NME7: variants seen among roughly 807,000 people sequenced by gnomAD.
NME7 encodes NME/NM23 family member 7, also known as nucleoside diphosphate kinase 7.
A neutral mutation model predicts 49.1 loss-of-function variants in NME7; 41 were observed. The observed-to-expected ratio is 0.83, with a 90% confidence interval of 0.65 to 1.08. NME7 has a LOEUF of 1.08. Among genes scored for constraint, NME7 ranks in the 50% least tolerant of loss-of-function variants. The pLI is 0.00. For synonymous variants in NME7, 139 were observed against 150.6 expected (o/e 0.92, Z 0.56); for missense variants, 423 against 463.4 (o/e 0.91, Z 0.80).
intron 1 of NME7, 106 bp downstream of exon 1, chr1:169,367,602 A>T: frequency 8.1e-7 from 1 of 1,239,120 alleles, no homozygotes; most frequent in African/African-American, 1.5e-5. Flanking sequence ...TAACGGGGAG[A>T]AGGTCGGGAG....
At chr1:169,330,012 T>C (rs781707351) in intron 1 of NME7, among the ~76,000 whole-genome samples, 2 of 152,126 alleles carry the variant, frequency 1.3e-5, no homozygotes, top group Non-Finnish European at 2.9e-5. Context: ...ATGGGAACTT[T>C]ACAGGCCAGG....
At chr1:169,174,189 G>C (rs558442811) in intron 10 of NME7, among the ~76,000 whole-genome samples, 1 of 152,118 alleles carries the variant, frequency 6.6e-6, no homozygotes, top group Admixed American at 6.6e-5. Context: ...ACCAAATATA[G>C]AATAGTGATT....
At chr1:169,171,442 A>C (rs151273779) in intron 10 of NME7, among the ~76,000 whole-genome samples, 215 of 152,312 alleles carry the variant, frequency 1.4e-3, no homozygotes, top group African/African-American at 4.9e-3. Flanking sequence ...TGTCTGCTAC[A>C]TGCACAGCAC....
At chr1:169,331,598 T>C (rs1307981419) in intron 1 of NME7, among the ~76,000 whole-genome samples, 2 of 152,170 alleles carry the variant, frequency 1.3e-5, no homozygotes, top group Non-Finnish European at 2.9e-5. Flanking sequence ...GAAAGACTCT[T>C]AGAACTGATA....
rs1169958134 is a variant in NME7, at chr1:169,263,414, AC to A, written c.754+23888del. Among the ~76,000 whole-genome samples, 2 of 133,838 alleles carry A rather than the reference AC, an allele frequency of 1.5e-5. 1 individual carries two copies. Among genetic ancestry groups the A allele is most frequent in the Non-Finnish European group, 3.5e-5 (2 of 57,002 alleles). 87.8% of individuals were successfully genotyped at this position (133,838 alleles called of 152,430 possible). On this transcript the variant is annotated intron_variant, in intron 7 of 11. Transcript: ENST00000367811. ...AATAGCTCATATAGAAAATAATACA[AC>A]CAATCTGATAGAGCTGAAAAACACA...
At chr1:169,187,351 A>C (rs565488173) in intron 10 of NME7, among the ~76,000 whole-genome samples, 1 of 152,238 alleles carries the variant, frequency 6.6e-6, no homozygotes, top group South Asian at 2.1e-4. Flanking sequence ...AGAGTGTTAA[A>C]GTCTCCCACT....
At chr1:169,355,049 T>C (rs1653353720) in intron 1 of NME7, among the ~76,000 whole-genome samples, 1 of 77,820 alleles carries the variant, frequency 1.3e-5, no homozygotes, top group Admixed American at 2.3e-4. Flanking sequence ...ATAGATATAA[T>C]ATATAATATA....
chr1:169,360,160 A>C (rs1453948858), intron 1 of NME7, among the ~76,000 whole-genome samples: 4 of 152,226 alleles, frequency 2.6e-5, no homozygotes, highest in Non-Finnish European at 5.9e-5. Context: ...ATGCATACCC[A>C]TCTGGAATAT....
chr1:169,317,408 T>C (rs925602735), intron 3 of NME7, among the ~76,000 whole-genome samples: 4 of 152,220 alleles, frequency 2.6e-5, no homozygotes, highest in African/African-American at 9.7e-5. Context: ...GCATTCTTCA[T>C]TGTATTATTT....
chr1:169,278,092 C>T (rs867576245), intron 7 of NME7, among the ~76,000 whole-genome samples: 4 of 151,322 alleles, frequency 2.6e-5, no homozygotes, highest in African/African-American at 4.9e-5. Flanking sequence ...GTGGGTAACC[C>T]GACCTTTCTC....
intron 10 of NME7, among the ~76,000 whole-genome samples, chr1:169,215,837 G>A (rs942616604): frequency 3.9e-5 from 6 of 152,326 alleles, no homozygotes; most frequent in African/African-American, 1.4e-4. Flanking sequence ...TATGCTAAGT[G>A]AAATAAGTCA....
At chr1:169,271,260 T>C (rs1649482602) in intron 7 of NME7, among the ~76,000 whole-genome samples, 1 of 133,032 alleles carries the variant, frequency 7.5e-6, no homozygotes, top group South Asian at 2.3e-4. Flanking sequence ...TGCCAAGAAG[T>C]TTCTTGCCCA....
chr1:169,254,515 C>T (rs1558009535), intron 7 of NME7, among the ~76,000 whole-genome samples: 3 of 149,706 alleles, frequency 2.0e-5, no homozygotes, highest in South Asian at 2.1e-4. Flanking sequence ...AAAAAACCAG[C>T]TCCTGGATTC....
intron 10 of NME7, among the ~76,000 whole-genome samples, chr1:169,213,167 T>C (rs1304707027): frequency 6.6e-6 from 1 of 152,192 alleles, no homozygotes; most frequent in African/African-American, 2.4e-5. Flanking sequence ...ATCAACGATA[T>C]TTATTTAGTG....
rs180976118 is a variant in NME7, at chr1:169,161,384, G to T, written c.1098+8063C>A. Reference sequence around the variant, plus strand: ...AACTAAAGATAAATTATGAGTGTCAGTATGTGCAGAGGCCTGCGTTAATCA... The same window carrying T: ...AACTAAAGATAAATTATGAGTGTCATTATGTGCAGAGGCCTGCGTTAATCA... On this transcript the variant is annotated intron_variant, in intron 11 of 11. Transcript: ENST00000367811. 3.3e-5 allele frequency among the ~76,000 whole-genome samples: 5 copies of T among 152,306 alleles called. No homozygotes were observed. In the East Asian group the frequency reaches 9.6e-4, roughly 29 times the overall value.
At chr1:169,360,367 C>T (rs1653612564) in intron 1 of NME7, among the ~76,000 whole-genome samples, 1 of 151,990 alleles carries the variant, frequency 6.6e-6, no homozygotes, top group African/African-American at 2.4e-5. Flanking sequence ...TAAAAATAAG[C>T]ACCAAGAGAC....
At chr1:169,358,127 C>T (rs576829244) in intron 1 of NME7, among the ~76,000 whole-genome samples, 6 of 151,964 alleles carry the variant, frequency 3.9e-5, no homozygotes, top group African/African-American at 7.2e-5. Context: ...TTGCATAACA[C>T]CATTAACCTC....
At chr1:169,358,226 A>C (rs1653530192) in intron 1 of NME7, among the ~76,000 whole-genome samples, 1 of 150,032 alleles carries the variant, frequency 6.7e-6, no homozygotes, top group South Asian at 2.1e-4. Context: ...TAATATGAAA[A>C]TAACACATTT....
intron 1 of NME7, among the ~76,000 whole-genome samples, chr1:169,335,938 T>G (rs988555342): frequency 2.6e-5 from 4 of 151,874 alleles, no homozygotes; most frequent in Non-Finnish European, 4.4e-5. Context: ...GAACATAGTG[T>G]GTCCGGAATT....
Sources: gnomAD v4.1 joint callset for allele counts (sites outside exome capture counted in the v4.1 genomes callset) on GRCh38, gnomAD v4.1.1 for gene constraint, MANE v1.5 for transcripts, NCBI Gene and HGNC (gene_info 2026-07-23, HGNC 2026-07-21) for gene names.